Variants in AGTPBP1 observed in about 807,000 individuals in gnomAD.
AGTPBP1 encodes ATP/GTP binding carboxypeptidase 1.
In AGTPBP1, 70 loss-of-function variants were observed where a neutral mutation model predicts 143.9. The observed-to-expected ratio is 0.49, with a 90% confidence interval of 0.40 to 0.59. The LOEUF (loss-of-function observed/expected upper bound fraction) is 0.59, where lower values mean the gene tolerates loss of function less well. Ranked by LOEUF, AGTPBP1 falls within the 20% of genes least tolerant of loss-of-function variation. AGTPBP1 has a pLI of 0.00. For synonymous variants in AGTPBP1, 463 were observed against 500.2 expected (o/e 0.93, Z 0.99); for missense variants, 1,229 against 1,464.5 (o/e 0.84, Z 2.62).
chr9:85,622,893 T>A (rs781632016), intron 14 of AGTPBP1, among the ~76,000 whole-genome samples: 2 of 152,178 alleles, frequency 1.3e-5, no homozygotes, highest in Non-Finnish European at 2.9e-5. Context: ...ACTAAATATA[T>A]CTATTTGTCA....
At chr9:85,741,999 C>T (rs2134880952), upstream of AGTPBP1, 3 of 1,211,870 alleles carry the variant, frequency 2.5e-6, no homozygotes, top group Non-Finnish European at 3.1e-6. Context: ...GCCCACCGCA[C>T]GCCTTGCCAG....
Position 85,741,902 on chromosome 9 carries a change from C to A in AGTPBP1, c.-161G>T, listed in dbSNP as rs761021255. The A allele has an allele frequency of 3.0e-6, 4 of 1,341,686 alleles. No homozygotes were observed. The highest frequency in any genetic ancestry group is 3.8e-6 in the Non-Finnish European group (4 of 1,050,554). 83.1% of individuals were successfully genotyped at this position (1,341,686 alleles called of 1,614,324 possible). ...ATACAAACCCCGGTGGCAGGCGAGG[C>A]GGAGGCGGCGGCGGCGGCAGCTGCG... is the stretch of plus-strand genomic sequence containing the variant. On this transcript the variant is annotated 5_prime_UTR_variant, in exon 1 of 26. Transcript: ENST00000357081.
upstream of AGTPBP1, among the ~76,000 whole-genome samples, chr9:85,744,320 T>G (rs1170442539): frequency 6.6e-6 from 1 of 152,242 alleles, no homozygotes; most frequent in Non-Finnish European, 1.5e-5. Flanking sequence ...TCACTCACTA[T>G]GTAGTTAATA....
At chr9:85,582,649 C>T (rs772143402) in intron 23 of AGTPBP1, among the ~76,000 whole-genome samples, 10 of 151,860 alleles carry the variant, frequency 6.6e-5, no homozygotes, top group Non-Finnish European at 8.8e-5. Context: ...CACTACACTC[C>T]GGCCTGGGTG....
intron 18 of AGTPBP1, 60 bp from the exon 19 acceptor site, chr9:85,592,764 T>C (rs1587698457): frequency 6.4e-7 from 1 of 1,563,680 alleles, no homozygotes; most frequent in Non-Finnish European, 8.6e-7. Flanking sequence ...ATTTTCCTTG[T>C]TACTTTTATT....
intron 4 of AGTPBP1, among the ~76,000 whole-genome samples, chr9:85,678,711 T>C (rs1197685446): frequency 6.6e-6 from 1 of 152,256 alleles, no homozygotes; most frequent in Non-Finnish European, 1.5e-5. Flanking sequence ...TTACAATGTA[T>C]GTCTGGTGAC....
chr9:85,634,284 C>T (rs1255056491), intron 13 of AGTPBP1, among the ~76,000 whole-genome samples: 1 of 150,940 alleles, frequency 6.6e-6, no homozygotes, highest in African/African-American at 2.4e-5. Context: ...GGTGGCAACT[C>T]TAAATGCCAT....
intron 8 of AGTPBP1, among the ~76,000 whole-genome samples, chr9:85,663,020 G>C (rs1236813848): frequency 6.6e-6 from 1 of 152,146 alleles, no homozygotes; most frequent in East Asian, 1.9e-4. Context: ...AAGCGACCAA[G>C]CCACAGCACA....
intron 25 of AGTPBP1, among the ~76,000 whole-genome samples, chr9:85,572,938 A>T (rs1587654386): frequency 6.6e-6 from 1 of 152,206 alleles, no homozygotes; most frequent in Non-Finnish European, 1.5e-5. Flanking sequence ...TAAATTAACA[A>T]ATTTGATGAC....
chr9:85,717,730 G>T (rs905497179), intron 1 of AGTPBP1, among the ~76,000 whole-genome samples: 2 of 150,638 alleles, frequency 1.3e-5, no homozygotes, highest in Admixed American at 6.6e-5. Context: ...TGCACAACGT[G>T]CAGGTTTGTT....
At chr9:85,577,403 T>A in intron 24 of AGTPBP1, among the ~76,000 whole-genome samples, 1 of 152,272 alleles carries the variant, frequency 6.6e-6, no homozygotes, top group South Asian at 2.1e-4. Flanking sequence ...ATTCTCAAGT[T>A]TTTTCCCCAT....
At chr9:85,648,552 C>T (rs369833872) in intron 11 of AGTPBP1, among the ~76,000 whole-genome samples, 18 of 152,282 alleles carry the variant, frequency 1.2e-4, no homozygotes, top group Middle Eastern at 3.4e-3. Flanking sequence ...GTGGTTCACA[C>T]CTGTAATCCC....
chr9:85,642,746 A>C, intron 13 of AGTPBP1, 81 bp downstream of exon 13: 1 of 1,088,508 alleles, frequency 9.2e-7, no homozygotes, highest in Non-Finnish European at 1.4e-6. Flanking sequence ...AAGAAAATAA[A>C]AACAGTGATT....
chr9:85,670,130 G>A (rs2134058077), intron 7 of AGTPBP1, among the ~76,000 whole-genome samples: 1 of 152,272 alleles, frequency 6.6e-6, no homozygotes, highest in South Asian at 2.1e-4. Flanking sequence ...TAGAGGTAAA[G>A]GGGTAGATGT....
rs1554715276 is a variant in AGTPBP1, at chr9:85,646,302, T to C, written c.1185+19A>G. 1 of 1,580,688 alleles carries C rather than the reference T, an allele frequency of 6.3e-7. No individual in the cohort carries two copies. Among genetic ancestry groups the C allele is most frequent in the East Asian group, 2.2e-5 (1 of 44,572 alleles). On this transcript the variant is annotated intron_variant, in intron 12 of 25. Coordinates refer to ENST00000357081, the MANE Select transcript of AGTPBP1 (RefSeq NM_001330701.2). ...TATATCATTTATAAAGCTAACTAAT[T>C]ACAGAAATTTATACTAACCTTAAAA...
chr9:85,646,401 C>T lies in AGTPBP1; in HGVS notation c.1105G>A (p.Glu369Lys). ...LPPEVDDVVDESDDNDDIDVE... is the reference protein window; with the variant it reads ...LPPEVDDVVDKSDDNDDIDVE... ...TCAATATCATCGTTGTCATCACTTT[C>T]ATCTACTACGTCATCCACTATGATA... The change falls in exon 12 of 26, where the codon GAA becomes AAA. Residue 369 changes from glutamate to lysine, a missense_variant. Glu to Lys is a moderately conservative substitution (Grantham distance 56). Around this residue, in one of 2 missense-constraint regions of AGTPBP1, gnomAD observed 743 missense variants for 812.2 expected, o/e 0.91. Coordinates refer to ENST00000357081, the MANE Select transcript of AGTPBP1 (RefSeq NM_001330701.2). The T allele has an allele frequency of 1.2e-6, 2 of 1,612,808 alleles. No homozygotes were observed.
In AGTPBP1 at chr9:85,636,387, C is replaced by G. The variant is rs187407181; in HGVS notation, c.1303-3013G>C. On this transcript the variant is annotated intron_variant, in intron 13 of 25. Coordinates refer to ENST00000357081, the MANE Select transcript of AGTPBP1 (RefSeq NM_001330701.2). ...AGCAATTCTCTCTGCCTTAGCTTCC[C>G]GAGTAGCTAGGATTACAGGCACGCA... is the stretch of plus-strand genomic sequence containing the variant. Among the ~76,000 whole-genome samples the G allele has an allele frequency of 6.0e-3, 911 of 151,576 alleles. 8 individuals carry two copies. The highest frequency in any genetic ancestry group is 0.021 in the African/African-American group (871 of 41,318).
intron 23 of AGTPBP1, among the ~76,000 whole-genome samples, chr9:85,582,842 A>G (rs563515720): frequency 6.6e-6 from 1 of 152,296 alleles, no homozygotes; most frequent in Non-Finnish European, 1.5e-5. Context: ...GCAAAAAAAA[A>G]GGTTCCATGG....
At position 85,692,929 on chromosome 9, in the gene AGTPBP1, C is replaced by A. The variant is rs1021202632; in HGVS notation, c.33-116G>T. The A allele has an allele frequency of 7.8e-6, 9 of 1,149,512 alleles. No individual in the cohort carries two copies. In the East Asian group the frequency reaches 1.0e-4, roughly 13 times the overall value. 71.2% of individuals were successfully genotyped at this position (1,149,512 alleles called of 1,614,324 possible). ...CTTTTAAAAACAGAAAGCATTTACA[C>A]GTCGCACTTCCTTACTCTGTTCTAT... On this transcript the variant is annotated intron_variant, in intron 2 of 25. Coordinates refer to ENST00000357081, the MANE Select transcript of AGTPBP1 (RefSeq NM_001330701.2).
Sources: gnomAD v4.1 joint callset for allele counts (sites outside exome capture counted in the v4.1 genomes callset) on GRCh38, gnomAD v4.1.1 for gene constraint, gnomAD v4.1.1 regional missense constraint, MANE v1.5 for transcripts, NCBI Gene and HGNC (gene_info 2026-07-23, HGNC 2026-07-21) for gene names.